Variants in CSNK1A1 observed in about 807,000 individuals in gnomAD.
CSNK1A1 encodes the protein casein kinase I isoform alpha.
In CSNK1A1, 7 loss-of-function variants were observed where a neutral mutation model predicts 46.1. The ratio of observed to expected loss-of-function variants is 0.15; its 90% confidence interval spans 0.09 to 0.29. The LOEUF is 0.29. CSNK1A1 is among the 10% of genes least tolerant of loss of function. The pLI is 1.00. For synonymous variants in CSNK1A1, 137 were observed against 141.5 expected, an observed-to-expected ratio of 0.97 and a Z score of 0.23; for missense variants, 96 against 417.1, an observed-to-expected ratio of 0.23 and a Z score of 6.71.
chr5:149,498,680 C>G, intron 9 of CSNK1A1: 1 of 985,336 alleles, frequency 1.0e-6, no homozygotes, highest in Non-Finnish European at 1.2e-6. Flanking sequence ...ATTTAAAAAA[C>G]GTATTTTCAC....
intron 9 of CSNK1A1, chr5:149,498,121 C>T (rs149727538): frequency 7.1e-6 from 7 of 985,216 alleles, no homozygotes; most frequent in African/African-American, 7.0e-5. Context: ...TGGGAGCCAC[C>T]GTGCCCAGCT....
At chr5:149,539,969 G>GA (rs1256662783) in intron 2 of CSNK1A1, among the ~76,000 whole-genome samples, 1 of 152,148 alleles carries the variant, frequency 6.6e-6, no homozygotes, top group Non-Finnish European at 1.5e-5. Context: ...AGGGAAAAAA[G>GA]AATGTTTAGC....
chr5:149,508,191 G>A (rs888014321), intron 7 of CSNK1A1, among the ~76,000 whole-genome samples: 3 of 152,166 alleles, frequency 2.0e-5, no homozygotes, highest in African/African-American at 7.2e-5. Context: ...CCTGGAGTTA[G>A]GAAGGATAGA....
chr5:149,544,758 T>TATATATATATATATACACACAC (rs150989849), intron 2 of CSNK1A1, among the ~76,000 whole-genome samples: 16 of 129,284 alleles, frequency 1.2e-4, no homozygotes, highest in African/African-American at 3.8e-4. Flanking sequence ...TATATATATA[T>TATATATATATATATACACACAC]ATATATAGTT....
At chr5:149,513,232 C>T in intron 4 of CSNK1A1, 23 bp from the exon 5 acceptor site, 1 of 1,602,930 alleles carries the variant, frequency 6.2e-7, no homozygotes, top group South Asian at 1.1e-5. Flanking sequence ...AATACAGAAA[C>T]ATTAGGTTTC....
At chr5:149,548,509 G>A (rs980272513) in intron 2 of CSNK1A1, among the ~76,000 whole-genome samples, 2 of 151,950 alleles carry the variant, frequency 1.3e-5, no homozygotes, top group African/African-American at 4.8e-5. Context: ...GGAGGCTGCA[G>A]TTAGCCAAGG....
intron 2 of CSNK1A1, among the ~76,000 whole-genome samples, chr5:149,543,710 G>A (rs1443833557): frequency 6.6e-6 from 1 of 152,044 alleles, no homozygotes; most frequent in African/African-American, 2.4e-5. Context: ...CAGACACAGA[G>A]GGCAAAAATA....
rs575132012 is a variant in CSNK1A1, at chr5:149,513,900, A to T, written c.457-691T>A. Among the ~76,000 whole-genome samples the T allele has an allele frequency of 1.0e-3, 76 of 74,080 alleles. 1 individual carries two copies. Among genetic ancestry groups the T allele is most frequent in the African/African-American group, 2.9e-3 (69 of 23,482 alleles). 48.6% of individuals were successfully genotyped at this position (74,080 alleles called of 152,430 possible). On this transcript the variant is annotated intron_variant, in intron 4 of 9. Transcript: ENST00000377843. ...GGGTGACAGAGCAAAACTCTTTCTT[A>T]AAAAAAAAAAAAAAATCCAGATATA...
intron 9 of CSNK1A1, chr5:149,502,065 T>C (rs1760874699): frequency 2.0e-6 from 2 of 983,878 alleles, no homozygotes; most frequent in Non-Finnish European, 2.4e-6. Context: ...GGCAGAAGTC[T>C]GCCTATTATT....
At chr5:149,546,389 CT>C (rs894254371) in intron 2 of CSNK1A1, among the ~76,000 whole-genome samples, 2 of 151,800 alleles carry the variant, frequency 1.3e-5, no homozygotes, top group African/African-American at 2.4e-5. Flanking sequence ...AATCCAAGCA[CT>C]TTGAGAGGCC....
At chr5:149,505,127 C>T in intron 9 of CSNK1A1, 1 of 1,024,814 alleles carries the variant, frequency 9.8e-7, no homozygotes, top group Non-Finnish European at 1.2e-6. Flanking sequence ...ATATTCCCAA[C>T]ACCAAATTTT....
At chr5:149,502,752 A>G in intron 9 of CSNK1A1, 1 of 978,186 alleles carries the variant, frequency 1.0e-6, no homozygotes, top group Non-Finnish European at 1.2e-6. Context: ...TCAATGAATC[A>G]TTGAGCTGTA....
chr5:149,531,451 G>A (rs771587827), intron 2 of CSNK1A1, among the ~76,000 whole-genome samples: 2 of 151,958 alleles, frequency 1.3e-5, no homozygotes, highest in South Asian at 2.1e-4. Context: ...CCGGGAGGCC[G>A]AGGTTGCAGT....
rs758049682 is a variant in CSNK1A1 at position 149,496,826 on chromosome 5, C to A, written c.*27G>T. On this transcript the variant is annotated 3_prime_UTR_variant, in exon 10 of 10. Coordinates refer to ENST00000377843, the MANE Select transcript of CSNK1A1 (RefSeq NM_001892.6). ...ACAAATGCTGCTCCGATCATCTGCT[C>A]TGCTTCTTCTGTTCCTCAATTCATG... 1.3e-6 allele frequency: 2 copies of A among 1,559,182 alleles called. No homozygotes were observed. Among genetic ancestry groups the A allele is most frequent in the East Asian group, 2.4e-5 (1 of 42,550 alleles).
At chr5:149,534,722 G>A (rs1277326666) in intron 2 of CSNK1A1, among the ~76,000 whole-genome samples, 2 of 151,682 alleles carry the variant, frequency 1.3e-5, no homozygotes, top group African/African-American at 4.8e-5. Context: ...CTTGAGCTCA[G>A]GTGGTTCGAG....
intron 7 of CSNK1A1, among the ~76,000 whole-genome samples, chr5:149,508,573 A>G (rs1213951575): frequency 6.6e-6 from 1 of 152,172 alleles, no homozygotes; most frequent in African/African-American, 2.4e-5. Context: ...TCTAAACTCA[A>G]TTGCCTTTCT....
intron 4 of CSNK1A1, 73 bp from the exon 5 acceptor site, chr5:149,513,282 G>GT (rs1761287288): frequency 3.6e-6 from 5 of 1,374,188 alleles, no homozygotes; most frequent in Non-Finnish European, 4.0e-6. Context: ...TCATTAAATG[G>GT]TATCTATTCT....
chr5:149,518,343 A>G (rs1386617572), intron 4 of CSNK1A1, among the ~76,000 whole-genome samples: 1 of 152,172 alleles, frequency 6.6e-6, no homozygotes, highest in East Asian at 1.9e-4. Context: ...AAATTCACTA[A>G]GATTGGAGTG....
In CSNK1A1 at chr5:149,550,106, G is replaced by C; in HGVS notation, c.199C>G (p.Leu67Val). ...LLYESKLYKI[L>V]QGGVGIPHIR... ...TGGGGGATGCCAACCCCACCTTGAA[G>C]AATCTTATAGAGCTTGCTCTCGTAC... Residue 67 changes from leucine (L) to valine (V), a missense_variant, in exon 2 of 10, where the codon CTT becomes GTT. Leu to Val is a conservative substitution (Grantham distance 32, BLOSUM62 1). Transcript: ENST00000377843. The surrounding 1 kb of genome is among the most constrained non-coding windows in gnomAD (Gnocchi z 4.3). 6.2e-7 allele frequency: 1 copy of C among 1,613,842 alleles called. No individual in the cohort carries two copies. Among genetic ancestry groups the C allele is most frequent in the Non-Finnish European group, 8.5e-7 (1 of 1,179,834 alleles).
Sources: allele counts gnomAD v4.1 joint callset (sites outside exome capture counted in the v4.1 genomes callset), GRCh38; gene constraint gnomAD v4.1.1; non-coding constraint Gnocchi (gnomAD v3.1); transcripts MANE v1.5; gene names NCBI Gene and HGNC (gene_info 2026-07-23, HGNC 2026-07-21).